Variants in PLEKHF2 observed in about 807,000 individuals in gnomAD.
PLEKHF2 encodes pleckstrin homology and FYVE domain containing 2.
Under a neutral mutation model 14.7 loss-of-function variants are expected in PLEKHF2, and 4 were observed. The ratio of observed to expected loss-of-function variants is 0.27; its 90% confidence interval spans 0.13 to 0.62. PLEKHF2 has a LOEUF of 0.62. Ranked by LOEUF, PLEKHF2 falls within the 20% of genes least tolerant of loss-of-function variation. The pLI is 0.85. For synonymous variants in PLEKHF2, 90 were observed against 103.5 expected (o/e 0.87, Z 0.79); for missense variants, 201 against 307.7 (o/e 0.65, Z 2.60).
chr8:95,141,988 T>A (rs762321572), intron 1 of PLEKHF2, among the ~76,000 whole-genome samples: 16 of 152,190 alleles, frequency 1.1e-4, no homozygotes, highest in Non-Finnish European at 1.5e-5. Context: ...CACTCTTTGC[T>A]TTTTTTGCTT....
chr8:95,142,119 C>A (rs1483834320), intron 1 of PLEKHF2, among the ~76,000 whole-genome samples: 1 of 152,018 alleles, frequency 6.6e-6, no homozygotes, highest in Non-Finnish European at 1.5e-5. Context: ...CAAACATAAA[C>A]CTTGAATGTA....
At chr8:95,136,951 C>T (rs1446478134) in intron 1 of PLEKHF2, among the ~76,000 whole-genome samples, 1 of 152,194 alleles carries the variant, frequency 6.6e-6, no homozygotes, top group African/African-American at 2.4e-5. Context: ...CCCAAGATAA[C>T]TTTCTCCCCT....
chr8:95,144,967 G>C (rs183580982), intron 1 of PLEKHF2, among the ~76,000 whole-genome samples: 9 of 151,032 alleles, frequency 6.0e-5, no homozygotes, highest in African/African-American at 1.7e-4. Context: ...TAAAATTAAA[G>C]TAATGATCAC....
At position 95,133,828 on chromosome 8, in the gene PLEKHF2, C is replaced by CG. The variant is rs1175553470; in HGVS notation, c.-212dup. 1 of 152,542 alleles carries CG rather than the reference C, an allele frequency of 6.6e-6. No individual in the cohort carries two copies. The highest frequency in any genetic ancestry group is 1.5e-5 in the Non-Finnish European group (1 of 68,426). 9.4% of individuals were successfully genotyped at this position (152,542 alleles called of 1,614,324 possible). On this transcript the variant is annotated 5_prime_UTR_variant, in exon 1 of 2. Coordinates refer to ENST00000315367, the MANE Select transcript of PLEKHF2 (RefSeq NM_024613.4). ...CCGTTGTCGGGTTCGACTGGAGGGG[C>CG]GGGGGAGTCACCTGCGAGCGGCTGC...
intron 1 of PLEKHF2, among the ~76,000 whole-genome samples, chr8:95,147,765 C>T (rs901413092): frequency 6.6e-6 from 1 of 151,858 alleles, no homozygotes; most frequent in Admixed American, 6.6e-5. Context: ...AATATGAAAA[C>T]AGTTTTGAGA....
chr8:95,154,106 G>A lies in PLEKHF2; in HGVS notation c.62G>A (p.Cys21Tyr). ...NTRRISIVEN[C>Y]FGAAGQPLTI... ...AGACGTATAAGTATAGTGGAAAACT[G>A]TTTTGGAGCAGCTGGTCAACCTTTA... Residue 21 changes from cysteine to tyrosine, a missense_variant, in exon 2 of 2, where the codon TGT (cysteine) becomes TAT (tyrosine). Coordinates refer to ENST00000315367, the MANE Select transcript of PLEKHF2 (RefSeq NM_024613.4). The surrounding 1 kb of genome is among the most constrained non-coding windows in gnomAD (Gnocchi z 5.6). 6.2e-7 allele frequency: 1 copy of A among 1,613,840 alleles called. No homozygotes were observed. The highest frequency in any genetic ancestry group is 8.5e-7 in the Non-Finnish European group (1 of 1,179,886).
chr8:95,145,704 G>C (rs375202402), intron 1 of PLEKHF2, among the ~76,000 whole-genome samples: 1 of 152,178 alleles, frequency 6.6e-6, no homozygotes, highest in African/African-American at 2.4e-5. Flanking sequence ...GATTACAGGC[G>C]TGAGCCACTG....
intron 1 of PLEKHF2, among the ~76,000 whole-genome samples, chr8:95,145,148 GA>G (rs796531360): frequency 7.3e-5 from 11 of 150,122 alleles, no homozygotes; most frequent in African/African-American, 9.8e-5. Flanking sequence ...AGATTTAAAG[GA>G]AAAAAAAACT....
In PLEKHF2 at chr8:95,134,027, C is replaced by A; in HGVS notation, c.-18C>A. 2 of 152,022 alleles carry A rather than the reference C, an allele frequency of 1.3e-5. No individual in the cohort carries two copies. Among genetic ancestry groups the A allele is most frequent in the South Asian group, 4.0e-4 (2 of 5,024 alleles). 9.4% of individuals were successfully genotyped at this position (152,022 alleles called of 1,614,324 possible). A position where few individuals can be genotyped will look rare whatever the true frequency, so the allele number is the denominator to read the frequency against. ...CGCCGCCGCCGCCGCCCGCGGCCGT[C>A]GGGGTAGGTGAAGCCCGGGTGGGTG... On this transcript the variant is annotated 5_prime_UTR_variant, in exon 1 of 2. Coordinates refer to ENST00000315367, the MANE Select transcript of PLEKHF2 (RefSeq NM_024613.4).
chr8:95,143,507 A>G (rs1028868863), intron 1 of PLEKHF2, among the ~76,000 whole-genome samples: 10 of 152,220 alleles, frequency 6.6e-5, no homozygotes, highest in Non-Finnish European at 1.5e-4. Flanking sequence ...TGCAAATAAA[A>G]TGGTGTGAGG....
At chr8:95,136,322 T>C (rs1447677175) in intron 1 of PLEKHF2, among the ~76,000 whole-genome samples, 4 of 136,342 alleles carry the variant, frequency 2.9e-5, no homozygotes, top group Non-Finnish European at 6.1e-5. Flanking sequence ...CAGATTGGTT[T>C]TTATTATATA....
At chr8:95,151,440 C>G (rs1294630395) in intron 1 of PLEKHF2, among the ~76,000 whole-genome samples, 1 of 151,432 alleles carries the variant, frequency 6.6e-6, no homozygotes, top group Non-Finnish European at 1.5e-5. Flanking sequence ...AATATTCTCC[C>G]CTATCCTTAC....
Position 95,154,066 on chromosome 8 carries a change from A to G in PLEKHF2, c.22A>G (p.Ser8Gly), listed in dbSNP as rs1428140306. The change falls in exon 2 of 2, where the codon AGT (serine) becomes GGT (glycine). Residue 8 changes from serine to glycine, a missense_variant. Coordinates refer to ENST00000315367, the MANE Select transcript of PLEKHF2 (RefSeq NM_024613.4). The surrounding 1 kb of genome is among the most constrained non-coding windows in gnomAD (Gnocchi z 5.6). ...AAAGATGGTGGATCGCTTGGCAAAC[A>G]GTGAAGCAAATACTAGACGTATAAG... Reference protein sequence around the residue: MVDRLANSEANTRRISIV... With the variant: MVDRLANGEANTRRISIV... 2.5e-6 allele frequency: 4 copies of G among 1,589,890 alleles called. No individual in the cohort carries two copies. Among genetic ancestry groups the G allele is most frequent in the Non-Finnish European group, 3.4e-6 (4 of 1,167,548 alleles).
At chr8:95,138,702 A>T (rs1297561969) in intron 1 of PLEKHF2, among the ~76,000 whole-genome samples, 7 of 152,164 alleles carry the variant, frequency 4.6e-5, no homozygotes, top group African/African-American at 1.7e-4. Context: ...TATATGTGCT[A>T]TTTAGAAACT....
At chr8:95,143,101 T>C (rs1810455365) in intron 1 of PLEKHF2, among the ~76,000 whole-genome samples, 1 of 150,646 alleles carries the variant, frequency 6.6e-6, no homozygotes, top group Non-Finnish European at 1.5e-5. Context: ...ATCTTTTTTT[T>C]TTTTTTTCTT....
Position 95,154,934 on chromosome 8 carries a change from T to TA in PLEKHF2, c.*141dup. ...AACTTGTAACCTATGTGCCTCAATA[T>TA]ATTCCATAGAAAGTAGGTCCCCCTG... On this transcript the variant is annotated 3_prime_UTR_variant, in exon 2 of 2. Transcript: ENST00000315367. This position sits in a 1 kb window ranked among gnomAD's most constrained non-coding sequence, Gnocchi z 5.6. The TA allele has an allele frequency of 9.8e-7, 1 of 1,020,634 alleles. No individual in the cohort carries two copies. 63.2% of individuals were successfully genotyped at this position (1,020,634 alleles called of 1,614,324 possible). A position where few individuals can be genotyped will look rare whatever the true frequency, so the allele number is the denominator to read the frequency against.
At chr8:95,138,890 T>G (rs530216611) in intron 1 of PLEKHF2, among the ~76,000 whole-genome samples, 2 of 152,232 alleles carry the variant, frequency 1.3e-5, no homozygotes, top group Non-Finnish European at 2.9e-5. Context: ...GTGAACAACT[T>G]TGTACACTTT....
At chr8:95,149,163 T>A (rs1810532642) in intron 1 of PLEKHF2, among the ~76,000 whole-genome samples, 1 of 152,092 alleles carries the variant, frequency 6.6e-6, no homozygotes, top group South Asian at 2.1e-4. Context: ...AAGAAAACAT[T>A]AAATTAAATT....
chr8:95,147,624 C>T (rs531234271), intron 1 of PLEKHF2, among the ~76,000 whole-genome samples: 73 of 151,938 alleles, frequency 4.8e-4, no homozygotes, highest in Non-Finnish European at 7.7e-4. Context: ...CATTTTCCTG[C>T]GAATTATTTA....
Sources: gnomAD v4.1 joint callset for allele counts (sites outside exome capture counted in the v4.1 genomes callset) on GRCh38, gnomAD v4.1.1 for gene constraint, Gnocchi (gnomAD v3.1) non-coding constraint, MANE v1.5 for transcripts, NCBI Gene and HGNC (gene_info 2026-07-23, HGNC 2026-07-21) for gene names.